The following MALRD1 variants were observed in gnomAD, a reference collection of about 807,000 sequenced individuals.
MALRD1 encodes the protein MAM and LDL receptor class A domain containing 1.
A neutral mutation model predicts 242.1 loss-of-function variants in MALRD1; 247 were observed. That is an observed-to-expected ratio of 1.02 (90% CI 0.92 to 1.13). The LOEUF is 1.13. Ranked by LOEUF, MALRD1 falls within the 50% of genes most tolerant of loss-of-function variation. The probability of loss-of-function intolerance (pLI) is 0.00; values close to 1 mark genes in which losing one functional copy is unlikely to be tolerated. For synonymous variants in MALRD1, 995 were observed against 866.6 expected, an observed-to-expected ratio of 1.15 and a Z score of -2.60; for missense variants, 2,989 against 2,533.1, an observed-to-expected ratio of 1.18 and a Z score of -3.86.
At chr10:19,069,608 CT>C (rs1835080181) in intron 2 of MALRD1, among the ~76,000 whole-genome samples, 1 of 151,770 alleles carries the variant, frequency 6.6e-6, no homozygotes, top group Admixed American at 6.6e-5. Context: ...GTTTTTCCCC[CT>C]GAAAATGTTT....
intron 34 of MALRD1, chr10:19,598,134 T>A (rs573576877): frequency 2.6e-5 from 4 of 152,274 alleles, no homozygotes; most frequent in African/African-American, 9.6e-5. Flanking sequence ...TTAGGAGATG[T>A]CACAGTTCAA....
intron 29 of MALRD1, among the ~76,000 whole-genome samples, chr10:19,451,869 T>A (rs2131046261): frequency 6.6e-6 from 1 of 152,280 alleles, no homozygotes; most frequent in South Asian, 2.1e-4. Context: ...AGAAATTATG[T>A]GTTTCATACC....
chr10:19,439,549 G>GGC (rs1206572757), intron 28 of MALRD1, among the ~76,000 whole-genome samples: 118 of 150,530 alleles, frequency 7.8e-4, no homozygotes, highest in African/African-American at 2.7e-3. Context: ...AAAAAAAAGT[G>GGC]GGGGATAAAT....
chr10:19,485,908 T>C (rs72788542), intron 29 of MALRD1, among the ~76,000 whole-genome samples: 3,080 of 152,144 alleles, frequency 0.02, 51 homozygotes, highest in Non-Finnish European at 0.032. Flanking sequence ...ATTAGGGGTA[T>C]ATTCAGTTTT....
chr10:19,155,500 A>T (rs1255527259), intron 12 of MALRD1, among the ~76,000 whole-genome samples: 1 of 152,230 alleles, frequency 6.6e-6, no homozygotes, highest in South Asian at 2.1e-4. Flanking sequence ...AGTCAGTTAA[A>T]TAAGTGTTTG....
chr10:19,642,998 G>A (rs1244781529), intron 36 of MALRD1, among the ~76,000 whole-genome samples: 1 of 152,122 alleles, frequency 6.6e-6, no homozygotes, highest in South Asian at 2.1e-4. Flanking sequence ...TAGTAATTTT[G>A]TAGTTAGTTT....
intron 18 of MALRD1, among the ~76,000 whole-genome samples, chr10:19,217,487 G>C (rs565369027): frequency 2.8e-4 from 42 of 150,112 alleles, no homozygotes; most frequent in Non-Finnish European, 5.3e-4. Flanking sequence ...GGGATTAGCT[G>C]CTCATTCCTT....
intron 1 of MALRD1, chr10:19,051,998 C>T (rs1244648223): frequency 3.6e-6 from 1 of 276,292 alleles, no homozygotes; most frequent in Non-Finnish European, 7.0e-6. Flanking sequence ...GACCTAAATA[C>T]TCAGAAGCAC....
At chr10:19,645,724 G>C (rs1442308196) in intron 36 of MALRD1, among the ~76,000 whole-genome samples, 1 of 151,882 alleles carries the variant, frequency 6.6e-6, no homozygotes, top group Admixed American at 6.6e-5. Context: ...TCCAGGGACT[G>C]TTGTGGGGTG....
intron 21 of MALRD1, among the ~76,000 whole-genome samples, chr10:19,312,644 C>T (rs1842481230): frequency 6.6e-6 from 1 of 151,056 alleles, no homozygotes; most frequent in Admixed American, 6.6e-5. Context: ...GACTGGAAAA[C>T]TTTGACTCAT....
At chr10:19,240,438 A>T (rs2131742688) in intron 18 of MALRD1, among the ~76,000 whole-genome samples, 1 of 152,158 alleles carries the variant, frequency 6.6e-6, no homozygotes, top group East Asian at 1.9e-4. Context: ...CCTTAAAGAG[A>T]GAGAGATCAT....
At chr10:19,679,546 CT>C (rs1173942159) in intron 36 of MALRD1, among the ~76,000 whole-genome samples, 1 of 151,952 alleles carries the variant, frequency 6.6e-6, no homozygotes, top group Non-Finnish European at 1.5e-5. Flanking sequence ...ATTCTTCTCT[CT>C]TTTCTTCTTT....
At chr10:19,217,283 T>C (rs1284075705) in intron 18 of MALRD1, among the ~76,000 whole-genome samples, 1 of 152,220 alleles carries the variant, frequency 6.6e-6, no homozygotes, top group Non-Finnish European at 1.5e-5. Context: ...CTACATTTAC[T>C]GATTCCTGTG....
At chr10:19,171,921 C>A (rs1435851982) in intron 13 of MALRD1, among the ~76,000 whole-genome samples, 7 of 118,684 alleles carry the variant, frequency 5.9e-5, no homozygotes, top group Non-Finnish European at 1.3e-4. Flanking sequence ...ATGATATATA[C>A]ATATATGTGA....
Position 19,467,392 on chromosome 10 carries a change from CAAAAAAA to C in MALRD1, c.5029+16916_5029+16922del, listed in dbSNP as rs71387079. Among the ~76,000 whole-genome samples, 16 of 53,766 alleles carry C rather than the reference CAAAAAAA, an allele frequency of 3.0e-4. 1 individual carries two copies. The East Asian group carries it at 0.013, about 45-fold the overall frequency. 35.3% of individuals were successfully genotyped at this position (53,766 alleles called of 152,430 possible). On this transcript the variant is annotated intron_variant, in intron 29 of 39. Transcript: ENST00000454679. Reference sequence around the variant, plus strand: ...TGGGCAACACAGCGAGACTCCGTCTCAAAAAAAAAAAAAAAAAAAAGAAAAAGACCTT... The same window carrying C: ...TGGGCAACACAGCGAGACTCCGTCTCAAAAAAAAAAAAAGAAAAAGACCTT...
intron 10 of MALRD1, among the ~76,000 whole-genome samples, chr10:19,141,280 A>G (rs2131426215): frequency 6.6e-6 from 1 of 152,282 alleles, no homozygotes; most frequent in South Asian, 2.1e-4. Context: ...TAAGCCAGAG[A>G]CAAAAGGACA....
chr10:19,135,646 T>C (rs1833309506), intron 9 of MALRD1, among the ~76,000 whole-genome samples: 1 of 152,220 alleles, frequency 6.6e-6, no homozygotes, highest in African/African-American at 2.4e-5. Context: ...CATGAGGCTA[T>C]TGAACAATTG....
chr10:19,248,598 G>A (rs1588775989), intron 18 of MALRD1, among the ~76,000 whole-genome samples: 1 of 151,982 alleles, frequency 6.6e-6, no homozygotes, highest in African/African-American at 2.4e-5. Context: ...AAAAAAGCAA[G>A]AAGCCTAGTA....
Position 19,088,577 on chromosome 10 carries a change from ATTTAT to A in MALRD1, c.597+395_597+399del, listed in dbSNP as rs1356830607. On this transcript the variant is annotated intron_variant, in intron 4 of 39. Transcript: ENST00000454679. ...TATTTTATAAAGTTTTTTTTTATTT[ATTTAT>A]TTATTTATTTTTTTTTATTATACTC... 2.6e-3 allele frequency among the ~76,000 whole-genome samples: 122 copies of A among 46,322 alleles called. 1 individual carries two copies. The highest frequency in any genetic ancestry group is 8.5e-3 in the African/African-American group (118 of 13,900). The allele number at this position is 46,322 out of a possible 152,430, so 30.4% of individuals were successfully genotyped here. A position where few individuals can be genotyped will look rare whatever the true frequency, so the allele number is the denominator to read the frequency against.
Sources: allele counts gnomAD v4.1 joint callset (sites outside exome capture counted in the v4.1 genomes callset), GRCh38; gene constraint gnomAD v4.1.1; transcripts MANE v1.5; gene names NCBI Gene and HGNC (gene_info 2026-07-23, HGNC 2026-07-21).